Variants in INPPL1 observed in about 807,000 individuals in gnomAD.
INPPL1 encodes the protein phosphatidylinositol 3,4,5-trisphosphate 5-phosphatase 2.
In INPPL1, 91 loss-of-function variants were observed where a neutral mutation model predicts 139.3. The ratio of observed to expected loss-of-function variants is 0.65; its 90% CI spans 0.55 to 0.78. The LOEUF (loss-of-function observed/expected upper bound fraction) is 0.78, where lower values mean the gene tolerates loss of function less well. INPPL1 is among the 30% of genes least tolerant of loss of function. The pLI, the probability that INPPL1 is intolerant of heterozygous loss-of-function variation, is 0.00. For synonymous variants in INPPL1, 719 were observed against 686.6 expected (o/e 1.05, Z -0.74); for missense variants, 1,411 against 1,665.6 (o/e 0.85, Z 2.66).
In INPPL1 at chr11:72,235,913, G is replaced by T; in HGVS notation, c.2806G>T (p.Glu936Ter). The T allele has an allele frequency of 6.2e-7, 1 of 1,613,132 alleles. No individual in the cohort carries two copies. Among genetic ancestry groups the T allele is most frequent in the Non-Finnish European group, 8.5e-7 (1 of 1,179,820 alleles). Residue 936 changes from glutamate to a stop codon, truncating the protein, a stop_gained, in exon 25 of 28, where the codon GAG (glutamate) becomes TAG (stop). Transcript: ENST00000298229. LOFTEE classifies it high-confidence loss of function. This position sits in a 1 kb window ranked among gnomAD's most constrained non-coding sequence, Gnocchi z 4.9. ...GCTCTCCAGGTTATTTGAAGAACCAGAGAAACCGCCACCAACGGGGAGGCC... is the reference window on the plus strand; with the variant it reads ...GCTCTCCAGGTTATTTGAAGAACCATAGAAACCGCCACCAACGGGGAGGCC... Reference protein sequence around the residue: ...CPLSRLFEEPEKPPPTGRPPA... With the variant: ...CPLSRLFEEP
chr11:72,238,339 C>T lies in INPPL1; in HGVS notation c.3763C>T (p.Gln1255Ter). Residue 1255 changes from glutamine to a stop codon, truncating the protein, a stop_gained, in exon 28 of 28, where the codon CAG becomes TAG. Transcript: ENST00000298229. LOFTEE classifies it high-confidence loss of function. ...AHKRLLLDTL[Q>*]LSK ...CAAGCGCCTCCTTCTGGACACCCTG[C>T]AGCTCAGCAAGTGATAGCGGAGGCA... 1 of 1,563,694 alleles carries T rather than the reference C, an allele frequency of 6.4e-7. No individual in the cohort carries two copies. Among genetic ancestry groups the T allele is most frequent in the Non-Finnish European group, 8.6e-7 (1 of 1,156,682 alleles).
At chr11:72,225,463 T>C in intron 1 of INPPL1, 3 of 985,366 alleles carry the variant, frequency 3.0e-6, no homozygotes, top group Non-Finnish European at 3.6e-6. Context: ...CCTTCAGGCA[T>C]CCTCCAGGTA....
In INPPL1 at chr11:72,238,408, C is replaced by G. The variant is rs927119332; in HGVS notation, c.*55C>G. On this transcript the variant is annotated 3_prime_UTR_variant, in exon 28 of 28. Coordinates refer to ENST00000298229, the MANE Select transcript of INPPL1 (RefSeq NM_001567.4). ...AGAGCCCCTCCCTGCTACCAAGGCC[C>G]AGCTATGGCCCCAGGGTTGAAAAGT... The G allele has an allele frequency of 1.3e-5, 18 of 1,435,962 alleles. No individual in the cohort carries two copies. Among genetic ancestry groups the G allele is most frequent in the Non-Finnish European group, 1.6e-5 (17 of 1,071,114 alleles). 89.0% of individuals were successfully genotyped at this position (1,435,962 alleles called of 1,614,324 possible).
intron 5 of INPPL1, 103 bp from the exon 6 acceptor site, chr11:72,229,362 C>T: frequency 1.4e-6 from 2 of 1,413,982 alleles, no homozygotes; most frequent in Non-Finnish European, 2.0e-6. Context: ...ACTTTCCTCA[C>T]TGGTAGCCTT....
chr11:72,232,399 G>A (rs894236189), intron 14 of INPPL1, 63 bp downstream of exon 14: 9 of 1,429,858 alleles, frequency 6.3e-6, no homozygotes, highest in South Asian at 3.7e-5. Flanking sequence ...GCCTGTTCCC[G>A]CTCCCATACC....
rs761113986 is a variant in INPPL1, at chr11:72,228,876, G to A, written c.518+29G>A. ...AGACCCCCATCCCATCCACTGAACA[G>A]GAGACCCTTTCTCCTCTGAGAACTA... On this transcript the variant is annotated intron_variant, in intron 4 of 27. Transcript: ENST00000298229. The surrounding 1 kb of genome is among the most constrained non-coding windows in gnomAD (Gnocchi z 5.0). 1 of 1,555,514 alleles carries A rather than the reference G, an allele frequency of 6.4e-7. No homozygotes were observed. Among genetic ancestry groups the A allele is most frequent in the South Asian group, 1.2e-5 (1 of 81,072 alleles).
chr11:72,227,657 A>C (rs1483358244), intron 1 of INPPL1, among the ~76,000 whole-genome samples: 1 of 152,140 alleles, frequency 6.6e-6, no homozygotes, highest in Non-Finnish European at 1.5e-5. Context: ...CAGGTCTCCC[A>C]TGGGGGCCCT....
chr11:72,225,495 G>C (rs1948645208), intron 1 of INPPL1: 1 of 985,302 alleles, frequency 1.0e-6, no homozygotes, highest in African/African-American at 1.7e-5. Flanking sequence ...GGGAGAGGAT[G>C]TGCATTCCAC....
In INPPL1 at chr11:72,232,321, A is replaced by G. The variant is rs1425115326; in HGVS notation, c.1697A>G (p.Asn566Ser). The G allele has an allele frequency of 1.9e-6, 3 of 1,552,474 alleles. No homozygotes were observed. The highest frequency in any genetic ancestry group is 2.4e-5 in the South Asian group (2 of 84,080). Residue 566 changes from asparagine (N) to serine (S), a missense_variant, in exon 14 of 28, where the codon AAT (asparagine) becomes AGT (serine). Physicochemically the swap from Asn to Ser is conservative, Grantham distance 46. Transcript: ENST00000298229. ...GTGAATTGTCACCTCACCTCGGGAA[A>G]TGAGAAGACGGCTCGGTGAGGGGGC... Reference protein sequence around the residue: ...GFVNCHLTSGNEKTARRNQNY... With the variant: ...GFVNCHLTSGSEKTARRNQNY...
intron 10 of INPPL1, 98 bp from the exon 11 acceptor site, chr11:72,230,698 C>T (rs921346023): frequency 2.8e-5 from 29 of 1,018,288 alleles, no homozygotes; most frequent in Non-Finnish European, 4.0e-5. Context: ...ACCAGACAGA[C>T]CCTCTCCTCA....
Position 72,237,714 on chromosome 11 carries a change from G to A in INPPL1, c.3470G>A (p.Gly1157Glu). 6.2e-7 allele frequency: 1 copy of A among 1,611,756 alleles called. No homozygotes were observed. Among genetic ancestry groups the A allele is most frequent in the Non-Finnish European group, 8.5e-7 (1 of 1,179,572 alleles). The change falls in exon 26 of 28, where the codon GGA becomes GAA. Residue 1157 changes from glycine (G) to glutamate (E), a missense_variant. Physicochemically the swap from Gly to Glu is moderately conservative, Grantham distance 98. Coordinates refer to ENST00000298229, the MANE Select transcript of INPPL1 (RefSeq NM_001567.4). ...PGPLELQPPR[G>E]LPSDYGRPLS... ...CCCCTGGAGCTGCAGCCCCCCCGGG[G>A]ACTGCCCTCGGACTATGGCCGGCCC...
rs1260000515 is a variant in INPPL1, at chr11:72,236,036, C to T, written c.2879+50C>T. 4 of 989,820 alleles carry T rather than the reference C, an allele frequency of 4.0e-6. No individual in the cohort carries two copies. The South Asian group carries it at 4.7e-5, about 12-fold the overall frequency. 61.3% of individuals were successfully genotyped at this position (989,820 alleles called of 1,614,324 possible). ...CCCCCCTTCCCCCACCCACCTCTAT[C>T]CATCACTATCCCCTGCAGGGTCTCA... is the stretch of plus-strand genomic sequence containing the variant. On this transcript the variant is annotated intron_variant, in intron 25 of 27. Transcript: ENST00000298229.
chr11:72,230,766 C>T, intron 10 of INPPL1, 30 bp from the exon 11 acceptor site: 2 of 1,598,550 alleles, frequency 1.3e-6, no homozygotes, highest in Admixed American at 1.7e-5. Context: ...TGGATGCCTA[C>T]CCGCCCCTGA....
chr11:72,235,718 AG>A lies in INPPL1; in HGVS notation c.2704del (p.Ala902ProfsTer56). On this transcript the variant is annotated frameshift_variant, in exon 24 of 28. Coordinates refer to ENST00000298229, the MANE Select transcript of INPPL1 (RefSeq NM_001567.4). LOFTEE classifies it high-confidence loss of function. This position sits in a 1 kb window ranked among gnomAD's most constrained non-coding sequence, Gnocchi z 4.9. Reference protein sequence around the residue: ...DKDEAGAKSKAPSVSRGSQEP... With the variant: ...DKDEAGAKSKXPSVSRGSQEP... ...AGGATGAGGCAGGAGCAAAGAGCAA[AG>A]CCCCCTCTGTGTCCCGAGGGAGCCA... 6.2e-7 allele frequency: 1 copy of A among 1,614,062 alleles called. No individual in the cohort carries two copies. The highest frequency in any genetic ancestry group is 8.5e-7 in the Non-Finnish European group (1 of 1,179,974).
Position 72,230,152 on chromosome 11 carries a change from C to A in INPPL1, c.971C>A (p.Thr324Asn). The change falls in exon 9 of 28, where the codon ACC (threonine) becomes AAC (asparagine). Residue 324 changes from threonine to asparagine, a missense_variant. Thr to Asn is a moderately conservative substitution (Grantham distance 65). Coordinates refer to ENST00000298229, the MANE Select transcript of INPPL1 (RefSeq NM_001567.4). The part of the protein sequence containing the change: ...VKLDVTLGDL[T>N]KIGKSQKFTL... ...CTAGATGTGACCCTGGGTGACCTGA[C>A]CAAGATTGGGAAGTCACAGAAGTTC... is the stretch of plus-strand genomic sequence containing the variant. The A allele has an allele frequency of 6.2e-7, 1 of 1,610,612 alleles. No individual in the cohort carries two copies. Among genetic ancestry groups the A allele is most frequent in the Non-Finnish European group, 8.5e-7 (1 of 1,177,474 alleles).
chr11:72,237,149 C>A lies in INPPL1; in HGVS notation c.2905C>A (p.Pro969Thr). ...GTTGAAGCCAGAGGGAGCTCCTGAA[C>A]CAGAAGGGGTGGCGGCCCCCCCACC... is the stretch of plus-strand genomic sequence containing the variant. ...PRLKPEGAPE[P>T]EGVAAPPPKN... The change falls in exon 26 of 28, where the codon CCA becomes ACA. Residue 969 changes from proline to threonine, a missense_variant. By Grantham distance (38) the Pro-to-Thr change is conservative. This residue lies in a region of INPPL1 where 438 missense variants were observed against 425.7 expected (regional missense o/e 1.03). Transcript: ENST00000298229. 1.3e-6 allele frequency: 2 copies of A among 1,597,310 alleles called. No homozygotes were observed. The highest frequency in any genetic ancestry group is 2.2e-5 in the East Asian group (1 of 44,536).
chr11:72,233,631 C>G (rs1948898566), intron 18 of INPPL1, 24 bp from the exon 19 acceptor site: 1 of 1,610,150 alleles, frequency 6.2e-7, no homozygotes. Flanking sequence ...CCCCTGAGTC[C>G]CCATTCCTAT....
chr11:72,224,904 G>A lies in INPPL1; in HGVS notation c.-81G>A, dbSNP rs1382895837. 8.3e-6 allele frequency: 8 copies of A among 968,900 alleles called. No homozygotes were observed. The African/African-American group carries it at 1.2e-4, about 15-fold the overall frequency. 60.0% of individuals were successfully genotyped at this position (968,900 alleles called of 1,614,324 possible). On this transcript the variant is annotated 5_prime_UTR_variant, in exon 1 of 28. Transcript: ENST00000298229. ...ATCCTCAAGCCCGGGCCCCGGGCCC[G>A]GCCCCAGCCTCAGCCCTGAGCGTCT...
chr11:72,229,271 C>G (rs2135424387), intron 5 of INPPL1, 41 bp downstream of exon 5: 3 of 1,566,098 alleles, frequency 1.9e-6, no homozygotes, highest in Non-Finnish European at 1.7e-6. Context: ...ACCCTTACCT[C>G]TGACCTGTCC....
Sources: allele counts gnomAD v4.1 joint callset (sites outside exome capture counted in the v4.1 genomes callset), GRCh38; gene constraint gnomAD v4.1.1; regional missense constraint gnomAD v4.1.1; non-coding constraint Gnocchi (gnomAD v3.1); transcripts MANE v1.5; gene names NCBI Gene and HGNC (gene_info 2026-07-23, HGNC 2026-07-21).